The following TMEM260 variants were observed in gnomAD, a reference collection of about 807,000 sequenced individuals.
The protein encoded by TMEM260 is transmembrane protein 260, also known as protein O-mannosyl-transferase TMEM260.
A neutral mutation model predicts 88.9 loss-of-function variants in TMEM260; 82 were observed. The observed-to-expected ratio is 0.92, with a 90% CI of 0.77 to 1.11. TMEM260 has a LOEUF of 1.11. Ranked by LOEUF, TMEM260 falls within the 50% of genes least tolerant of loss-of-function variation. The probability of loss-of-function intolerance (pLI) is 0.00; values close to 1 mark genes in which losing one functional copy is unlikely to be tolerated. For synonymous variants in TMEM260, 314 were observed against 309.3 expected (o/e 1.02, Z -0.16); for missense variants, 902 against 853.4 (o/e 1.06, Z -0.71).
chr14:56,617,990 A>G (rs997493966), intron 9 of TMEM260, among the ~76,000 whole-genome samples: 1 of 152,198 alleles, frequency 6.6e-6, no homozygotes, highest in Non-Finnish European at 1.5e-5. Context: ...CCAGCATCCC[A>G]GAATAGACAG....
rs1594858251 is a variant in TMEM260, at chr14:56,620,367, G to T, written c.1227-1164G>T. On this transcript the variant is annotated intron_variant, in intron 10 of 15. Transcript: ENST00000261556. Reference sequence around the variant, plus strand: ...CTGGTGTTAGGAAGGCCACCAGGAGGCCTTGAGAGAAGGGGCTGCGTGTCC... The same window carrying T: ...CTGGTGTTAGGAAGGCCACCAGGAGTCCTTGAGAGAAGGGGCTGCGTGTCC... Among the ~76,000 whole-genome samples, 4 of 152,224 alleles carry T rather than the reference G, an allele frequency of 2.6e-5. No homozygotes were observed. In the East Asian group the frequency reaches 7.7e-4, roughly 29 times the overall value.
intron 15 of TMEM260, among the ~76,000 whole-genome samples, chr14:56,639,201 C>T (rs944696767): frequency 1.3e-5 from 2 of 152,036 alleles, no homozygotes; most frequent in African/African-American, 4.8e-5. Context: ...TATAGTGAGA[C>T]AGAATGAACA....
At chr14:56,586,899 T>G (rs1594809363) in intron 3 of TMEM260, among the ~76,000 whole-genome samples, 1 of 152,096 alleles carries the variant, frequency 6.6e-6, no homozygotes, top group East Asian at 1.9e-4. Context: ...AACTTTCAGA[T>G]TCAAGTATTG....
chr14:56,655,733 C>T, the TMEM260 span, among the ~76,000 whole-genome samples: 1 of 152,106 alleles, frequency 6.6e-6, no homozygotes, highest in Non-Finnish European at 1.5e-5. Context: ...CTTATATTGT[C>T]ATGTGAAACG....
At chr14:56,633,269 T>TA in intron 13 of TMEM260, 98 bp downstream of exon 13, 1 of 928,348 alleles carries the variant, frequency 1.1e-6, no homozygotes, top group Non-Finnish European at 1.6e-6. Context: ...TTTTTTTTTT[T>TA]ATTAATTGTT....
At position 56,633,310 on chromosome 14, in the gene TMEM260, A is replaced by G. The variant is rs184629593; in HGVS notation, c.1724+139A>G. Reference sequence around the variant, plus strand: ...TGTTACTTGCTACCCACAAAATACCATAAAACAACAGAAAGAGAACATGTC... The same window carrying G: ...TGTTACTTGCTACCCACAAAATACCGTAAAACAACAGAAAGAGAACATGTC... On this transcript the variant is annotated intron_variant, in intron 13 of 15. Transcript: ENST00000261556. 1.8e-3 allele frequency: 1,098 copies of G among 622,078 alleles called. 3 individuals carry two copies. The highest frequency in any genetic ancestry group is 2.4e-3 in the Non-Finnish European group (901 of 376,250). The allele number at this position is 622,078 out of a possible 1,614,324, so 38.5% of individuals were successfully genotyped here.
intron 3 of TMEM260, among the ~76,000 whole-genome samples, chr14:56,601,976 G>T (rs1343490709): frequency 6.6e-6 from 1 of 152,108 alleles, no homozygotes; most frequent in Admixed American, 6.6e-5. Context: ...TTAAATAGAG[G>T]AAGGAATATT....
chr14:56,584,084 A>G (rs6573096), intron 1 of TMEM260, among the ~76,000 whole-genome samples: 6,699 of 151,974 alleles, frequency 0.044, 488 homozygotes, highest in African/African-American at 0.15. Context: ...TTCAGTATGA[A>G]GATGAATTGA....
rs1225701029 is a variant in TMEM260 at position 56,580,085 on chromosome 14, C to G, written c.160+11C>G. 2 of 1,250,252 alleles carry G rather than the reference C, an allele frequency of 1.6e-6. No individual in the cohort carries two copies. Among genetic ancestry groups the G allele is most frequent in the East Asian group, 6.2e-5 (2 of 32,034 alleles). 77.4% of individuals were successfully genotyped at this position (1,250,252 alleles called of 1,614,324 possible). On this transcript the variant is annotated intron_variant, in intron 1 of 15. Coordinates refer to ENST00000261556, the MANE Select transcript of TMEM260 (RefSeq NM_017799.4). ...CGGGGGGAGACTCCGGTAAAGTACT[C>G]GCAGGGTTGCCCCTTCTGTCCCTCT...
At position 56,588,021 on chromosome 14, in the gene TMEM260, A is replaced by G. The variant is rs566721653; in HGVS notation, c.344+2109A>G. On this transcript the variant is annotated intron_variant, in intron 3 of 15. Coordinates refer to ENST00000261556, the MANE Select transcript of TMEM260 (RefSeq NM_017799.4). ...GACACAGTTTTTGTACAACCATTAC[A>G]GTGATGGCTTTTTCCTGTTCCAGTG... 3.3e-5 allele frequency among the ~76,000 whole-genome samples: 5 copies of G among 152,208 alleles called. No homozygotes were observed. The South Asian group carries it at 8.3e-4, about 25-fold the overall frequency.
chr14:56,627,809 A>G (rs945088749), intron 12 of TMEM260, among the ~76,000 whole-genome samples: 1 of 152,190 alleles, frequency 6.6e-6, no homozygotes, highest in African/African-American at 2.4e-5. Flanking sequence ...CAGTTCTATG[A>G]ATTTTAACCC....
intron 15 of TMEM260, among the ~76,000 whole-genome samples, chr14:56,640,869 A>G (rs1393834571): frequency 2.0e-5 from 3 of 152,226 alleles, no homozygotes; most frequent in South Asian, 2.1e-4. Flanking sequence ...TCAGTAGCCA[A>G]TGCGATCAAC....
downstream of TMEM260, among the ~76,000 whole-genome samples, chr14:56,652,024 T>C (rs1215180598): frequency 1.3e-5 from 2 of 152,244 alleles, no homozygotes; most frequent in South Asian, 2.1e-4. Flanking sequence ...TTCCCTTAGA[T>C]AGTTGAACTG....
chr14:56,612,768 C>T (rs747764109), intron 7 of TMEM260: 5 of 152,652 alleles, frequency 3.3e-5, no homozygotes, highest in Non-Finnish European at 7.2e-5. Flanking sequence ...TACAGAGGGC[C>T]GACTGTACTG....
At chr14:56,633,794 T>TCA (rs148263779) in intron 13 of TMEM260, among the ~76,000 whole-genome samples, 4,026 of 151,910 alleles carry the variant, frequency 0.027, 107 homozygotes, top group East Asian at 0.098. Flanking sequence ...TTACTTGATT[T>TCA]CACACACACA....
intron 10 of TMEM260, among the ~76,000 whole-genome samples, chr14:56,620,256 T>C (rs1270651153): frequency 1.3e-5 from 2 of 152,098 alleles, no homozygotes; most frequent in East Asian, 3.9e-4. Flanking sequence ...TTTACCTTTA[T>C]AACAACAAAC....
rs188319969 is a variant in TMEM260, at chr14:56,603,692, A to G, written c.345-123A>G. On this transcript the variant is annotated intron_variant, in intron 3 of 15. Coordinates refer to ENST00000261556, the MANE Select transcript of TMEM260 (RefSeq NM_017799.4). ...TATTATATGAGTTAATGTATTAACCATATAATGTGTTGGAGTAGTGCTGGG... is the reference window on the plus strand; with the variant it reads ...TATTATATGAGTTAATGTATTAACCGTATAATGTGTTGGAGTAGTGCTGGG... 1,138 of 954,842 alleles carry G rather than the reference A, an allele frequency of 1.2e-3. 3 individuals carry two copies. Among genetic ancestry groups the G allele is most frequent in the South Asian group, 3.3e-3 (219 of 65,696 alleles). The allele number at this position is 954,842 out of a possible 1,614,324, so 59.1% of individuals were successfully genotyped here.
rs574668575 is a variant in TMEM260, at chr14:56,647,672, C to T, written c.*175C>T. 1 of 634,446 alleles carries T rather than the reference C, an allele frequency of 1.6e-6. No individual in the cohort carries two copies. Among genetic ancestry groups the T allele is most frequent in the African/African-American group, 1.9e-5 (1 of 52,286 alleles). 39.3% of individuals were successfully genotyped at this position (634,446 alleles called of 1,614,324 possible). A position where few individuals can be genotyped will look rare whatever the true frequency, so the allele number is the denominator to read the frequency against. ...TGGGGTATTCAGTGACTAAGGTCTG[C>T]TATTTATGCAAAATTCTGTTTATCC... On this transcript the variant is annotated 3_prime_UTR_variant, in exon 16 of 16. Transcript: ENST00000261556.
At chr14:56,610,494 G>T (rs1407090680) in intron 6 of TMEM260, among the ~76,000 whole-genome samples, 1 of 152,024 alleles carries the variant, frequency 6.6e-6, no homozygotes, top group Non-Finnish European at 1.5e-5. Context: ...CACCCTCCTC[G>T]GCCTCCCAAA....
Sources: gnomAD v4.1 joint callset for allele counts (sites outside exome capture counted in the v4.1 genomes callset) on GRCh38, gnomAD v4.1.1 for gene constraint, MANE v1.5 for transcripts, NCBI Gene and HGNC (gene_info 2026-07-23, HGNC 2026-07-21) for gene names.